FER1L6: variants seen among roughly 807,000 people sequenced by gnomAD.
FER1L6 encodes the protein fer-1 like family member 6.
A neutral mutation model predicts 219.2 loss-of-function variants in FER1L6; 177 were observed. That is an observed-to-expected ratio of 0.81 (90% CI 0.71 to 0.91). The LOEUF (loss-of-function observed/expected upper bound fraction) is 0.91, where lower values mean the gene tolerates loss of function less well. FER1L6 is among the 40% of genes least tolerant of loss of function. The probability of loss-of-function intolerance (pLI) is 0.00; values close to 1 mark genes in which losing one functional copy is unlikely to be tolerated. For missense variants in FER1L6, 2,153 were observed against 2,259.9 expected (o/e 0.95, Z 0.96); for synonymous variants, 768 against 824.3 (o/e 0.93, Z 1.17).
intron 16 of FER1L6, among the ~76,000 whole-genome samples, chr8:124,019,837 C>G (rs745996823): frequency 6.6e-6 from 1 of 152,104 alleles, no homozygotes; most frequent in Non-Finnish European, 1.5e-5. Context: ...TTCTAAGAAG[C>G]CACTGGGATC....
chr8:123,910,810 A>G (rs2129768461), intron 1 of FER1L6, among the ~76,000 whole-genome samples: 1 of 139,624 alleles, frequency 7.2e-6, no homozygotes, highest in African/African-American at 2.7e-5. Flanking sequence ...ATAGAAGGGC[A>G]GTTACTTTAA....
intron 13 of FER1L6, 60 bp from the exon 14 acceptor site, chr8:124,010,534 C>G (rs979081554): frequency 4.9e-5 from 79 of 1,596,920 alleles, no homozygotes; most frequent in Non-Finnish European, 6.6e-5. Flanking sequence ...TAACGTGTGA[C>G]TGGGGTTGCC....
chr8:123,969,757 T>A (rs1162573390), intron 5 of FER1L6, among the ~76,000 whole-genome samples: 1 of 151,366 alleles, frequency 6.6e-6, no homozygotes, highest in East Asian at 1.9e-4. Context: ...TCCCAGCTAC[T>A]CAGGAGGCTG....
intron 5 of FER1L6, 150 bp from the exon 6 acceptor site, chr8:123,969,885 A>AAAAAAAAC (rs1554623296): frequency 5.6e-6 from 3 of 531,336 alleles, no homozygotes; most frequent in Non-Finnish European, 6.9e-6. Flanking sequence ...AAAAAAAAAA[A>AAAAAAAAC]AGAGAATTGA....
At chr8:123,882,162 CT>C (rs1292067207) in intron 1 of FER1L6, among the ~76,000 whole-genome samples, 1 of 151,318 alleles carries the variant, frequency 6.6e-6, no homozygotes, top group African/African-American at 2.4e-5. Context: ...TGTCCTGGAA[CT>C]CCGGCCCACA....
chr8:123,936,923 G>A (rs1297549592), intron 1 of FER1L6, among the ~76,000 whole-genome samples: 1 of 151,436 alleles, frequency 6.6e-6, no homozygotes, highest in Non-Finnish European at 1.5e-5. Flanking sequence ...TTTTTTTTGT[G>A]ATGTGGAGTG....
chr8:124,095,172 G>A (rs763421796), intron 35 of FER1L6, 134 bp downstream of exon 35: 1 of 1,216,256 alleles, frequency 8.2e-7, no homozygotes, highest in Non-Finnish European at 1.1e-6. Flanking sequence ...GTTGTCACAA[G>A]TAGGTGGGGT....
At chr8:123,857,553 A>G (rs1021994226) in intron 1 of FER1L6, among the ~76,000 whole-genome samples, 7 of 152,184 alleles carry the variant, frequency 4.6e-5, no homozygotes, top group African/African-American at 1.7e-4. Context: ...TTAACATCAT[A>G]TGCAGTTAAA....
intron 13 of FER1L6, among the ~76,000 whole-genome samples, chr8:124,007,978 T>C (rs922415589): frequency 3.9e-5 from 6 of 152,258 alleles, no homozygotes; most frequent in Non-Finnish European, 7.3e-5. Flanking sequence ...GTGGAACACA[T>C]GGTATTTGGT....
chr8:124,045,832 T>A lies in FER1L6; in HGVS notation c.2655T>A (p.His885Gln), dbSNP rs1472462930. The change falls in exon 21 of 41, where the codon CAT becomes CAA. Residue 885 changes from histidine (H) to glutamine (Q), a missense_variant. Transcript: ENST00000522917. ...QMLLFNDLVL[H>Q]GDVKELAESP... ...TGCTGTTCAATGATTTGGTGCTGCA[T>A]GGAGATGTGAAGGAGCTGGCAGAGT... 1 of 1,613,762 alleles carries A rather than the reference T, an allele frequency of 6.2e-7. No homozygotes were observed.
At chr8:124,012,656 G>A (rs896412985) in intron 14 of FER1L6, among the ~76,000 whole-genome samples, 21 of 152,200 alleles carry the variant, frequency 1.4e-4, no homozygotes, top group Non-Finnish European at 2.5e-4. Flanking sequence ...AAGTGATAGA[G>A]CCTGGATTTG....
chr8:123,872,009 A>G (rs2130278356), intron 1 of FER1L6, among the ~76,000 whole-genome samples: 1 of 152,308 alleles, frequency 6.6e-6, no homozygotes, highest in East Asian at 1.9e-4. Context: ...CTGTACAGGA[A>G]GTATAACACA....
intron 26 of FER1L6, among the ~76,000 whole-genome samples, chr8:124,066,208 G>A (rs561021312): frequency 1.3e-5 from 2 of 152,210 alleles, no homozygotes; most frequent in East Asian, 1.9e-4. Context: ...AGTATCTCAC[G>A]TATGCTCAAT....
intron 1 of FER1L6, among the ~76,000 whole-genome samples, chr8:123,947,524 C>T (rs1814556350): frequency 6.6e-6 from 1 of 152,086 alleles, no homozygotes; most frequent in African/African-American, 2.4e-5. Flanking sequence ...TAAACAGGAC[C>T]AAAGAAATTC....
At chr8:123,945,945 C>T (rs983558092) in intron 1 of FER1L6, among the ~76,000 whole-genome samples, 1 of 152,154 alleles carries the variant, frequency 6.6e-6, no homozygotes, top group African/African-American at 2.4e-5. Context: ...CCCCTTGGAA[C>T]ATTTTATGTA....
At chr8:123,902,383 C>T (rs377312477) in intron 1 of FER1L6, among the ~76,000 whole-genome samples, 2 of 152,196 alleles carry the variant, frequency 1.3e-5, no homozygotes, top group East Asian at 3.9e-4. Flanking sequence ...TCTTGATGAC[C>T]TGTCTAGTGC....
chr8:124,019,835 A>T (rs1818377028), intron 16 of FER1L6, among the ~76,000 whole-genome samples: 1 of 152,214 alleles, frequency 6.6e-6, no homozygotes, highest in East Asian at 1.9e-4. Flanking sequence ...AATTCTAAGA[A>T]GCCACTGGGA....
chr8:124,021,453 T>G, intron 16 of FER1L6, 97 bp from the exon 17 acceptor site: 2 of 1,529,316 alleles, frequency 1.3e-6, no homozygotes, highest in African/African-American at 1.4e-5. Context: ...TGACTCAGTG[T>G]GGAGCTCACC....
chr8:123,893,252 A>G (rs1038627953), intron 1 of FER1L6, among the ~76,000 whole-genome samples: 3 of 152,182 alleles, frequency 2.0e-5, no homozygotes, highest in Non-Finnish European at 4.4e-5. Flanking sequence ...GTTTCGGACA[A>G]CTTTGGAGAT....
Sources: allele counts gnomAD v4.1 joint callset (sites outside exome capture counted in the v4.1 genomes callset), GRCh38; gene constraint gnomAD v4.1.1; transcripts MANE v1.5; gene names NCBI Gene and HGNC (gene_info 2026-07-23, HGNC 2026-07-21).